The following ABLIM3 variants were observed in gnomAD, a reference collection of about 807,000 sequenced individuals.
The protein encoded by ABLIM3 is actin binding LIM protein family member 3, also known as actin-binding LIM protein 3.
A neutral mutation model predicts 109.5 loss-of-function variants in ABLIM3; 61 were observed. The ratio of observed to expected loss-of-function variants is 0.56; its 90% CI spans 0.45 to 0.69. The LOEUF (loss-of-function observed/expected upper bound fraction) is 0.69. ABLIM3 is among the 30% of genes least tolerant of loss of function. The pLI, the probability that ABLIM3 is intolerant of heterozygous loss-of-function variation, is 0.00. For synonymous variants in ABLIM3, 300 were observed against 324.8 expected (o/e 0.92, Z 0.82); for missense variants, 796 against 889.5 (o/e 0.89, Z 1.34).
intron 23 of ABLIM3, among the ~76,000 whole-genome samples, chr5:149,253,832 T>A (rs371582044): frequency 9.9e-5 from 15 of 152,172 alleles, no homozygotes; most frequent in African/African-American, 3.6e-4. Context: ...CTCCCCAGAA[T>A]GCCTGTATTA....
intron 10 of ABLIM3, among the ~76,000 whole-genome samples, chr5:149,237,028 C>T (rs935130191): frequency 2.0e-5 from 3 of 152,200 alleles, no homozygotes; most frequent in African/African-American, 7.2e-5. Flanking sequence ...GGGATGTCCT[C>T]ACTCTGTGGG....
intron 10 of ABLIM3, among the ~76,000 whole-genome samples, chr5:149,234,475 C>G (rs778068415): frequency 5.3e-5 from 8 of 152,200 alleles, no homozygotes; most frequent in Non-Finnish European, 7.3e-5. Flanking sequence ...ATCATTACTT[C>G]AAATCCACAT....
At chr5:149,210,632 G>A (rs1759448413) in intron 6 of ABLIM3, 94 bp from the exon 7 acceptor site, 4 of 1,057,972 alleles carry the variant, frequency 3.8e-6, no homozygotes, top group East Asian at 2.4e-5. Flanking sequence ...CTTTGGCTCA[G>A]TCAACATAGG....
chr5:149,244,620 C>T (rs1485806782), intron 15 of ABLIM3: 2 of 492,320 alleles, frequency 4.1e-6, no homozygotes, highest in African/African-American at 3.9e-5. Context: ...GGGATCTGGT[C>T]CAGTTCTGGT....
At chr5:149,216,754 G>A (rs1054933868) in intron 7 of ABLIM3, 3 of 568,972 alleles carry the variant, frequency 5.3e-6, no homozygotes, top group Non-Finnish European at 9.4e-6. Context: ...CCCCTGAACT[G>A]CCATCAGGGA....
chr5:149,239,254 G>A lies in ABLIM3; in HGVS notation c.1051G>A (p.Gly351Arg). Residue 351 changes from glycine (G) to arginine (R), a missense_variant, in exon 12 of 24, where the codon GGA becomes AGA. Physicochemically the swap from Gly to Arg is moderately radical, Grantham distance 125. Transcript: ENST00000309868. Reference protein sequence around the residue: ...LERCGYGESLGTLSPYSQDIY... With the variant: ...LERCGYGESLRTLSPYSQDIY... ...CAAACTCTTCACTTCTAAGTCGCTG[G>A]GAACATTATCTCCCTACTCCCAGGT... is the stretch of plus-strand genomic sequence containing the variant. 1 of 1,613,952 alleles carries A rather than the reference G, an allele frequency of 6.2e-7. No homozygotes were observed. Among genetic ancestry groups the A allele is most frequent in the Non-Finnish European group, 8.5e-7 (1 of 1,179,946 alleles).
At chr5:149,201,657 A>T (rs1231311959) in intron 5 of ABLIM3, among the ~76,000 whole-genome samples, 2 of 152,200 alleles carry the variant, frequency 1.3e-5, no homozygotes, top group Non-Finnish European at 2.9e-5. Flanking sequence ...TTGCTGCTCC[A>T]ACCAGGTTTC....
chr5:149,159,597 T>A (rs1453433428), intron 2 of ABLIM3, among the ~76,000 whole-genome samples: 3 of 152,120 alleles, frequency 2.0e-5, no homozygotes, highest in Non-Finnish European at 4.4e-5. Flanking sequence ...AGAATAGGCT[T>A]GCAAACAGAA....
chr5:149,205,697 C>A (rs931306887), intron 5 of ABLIM3, among the ~76,000 whole-genome samples: 1 of 152,192 alleles, frequency 6.6e-6, no homozygotes, highest in African/African-American at 2.4e-5. Context: ...ACTCTTTATT[C>A]TCTCAGCCCC....
At chr5:149,234,563 G>GA (rs1762167612) in intron 10 of ABLIM3, among the ~76,000 whole-genome samples, 1 of 151,776 alleles carries the variant, frequency 6.6e-6, no homozygotes. Flanking sequence ...TGGTCAAATG[G>GA]AAAAAAAGAA....
chr5:149,231,360 G>T (rs1214867144), intron 9 of ABLIM3, among the ~76,000 whole-genome samples: 1 of 152,226 alleles, frequency 6.6e-6, no homozygotes, highest in African/African-American at 2.4e-5. Flanking sequence ...CTCCCAGGCT[G>T]CAGGAAGGAT....
At chr5:149,237,661 T>C in intron 11 of ABLIM3, 58 bp downstream of exon 11, 1 of 1,598,026 alleles carries the variant, frequency 6.3e-7, no homozygotes, top group Non-Finnish European at 8.5e-7. Flanking sequence ...TGCTCTGGGG[T>C]CCCCAGCCCT....
intron 3 of ABLIM3, among the ~76,000 whole-genome samples, chr5:149,188,370 CA>C (rs1315892977): frequency 3.3e-5 from 5 of 152,052 alleles, no homozygotes; most frequent in Non-Finnish European, 7.4e-5. Context: ...TAGCAATAAA[CA>C]ATCTGAAAAT....
rs1379819156 is a variant in ABLIM3, at chr5:149,247,905, G to A, written c.1675G>A (p.Gly559Ser). Residue 559 changes from glycine (G) to serine (S), a missense_variant, in exon 18 of 24, where the codon GGC (glycine) becomes AGC (serine). By Grantham distance (56) the Gly-to-Ser change is moderately conservative (BLOSUM62 0). Coordinates refer to ENST00000309868, the MANE Select transcript of ABLIM3 (RefSeq NM_014945.5). ...CAGCCGGGAAGCCCTGCACACAGCT[G>A]GCTATGAGATGTCCCTCAATGGCTG... ...TSSREALHTA[G>S]YEMSLNGSPR... 1 of 1,614,060 alleles carries A rather than the reference G, an allele frequency of 6.2e-7. No homozygotes were observed. The highest frequency in any genetic ancestry group is 1.7e-5 in the Admixed American group (1 of 60,006).
chr5:149,247,873 C>T lies in ABLIM3; in HGVS notation c.1643C>T (p.Ser548Phe). 1 of 1,614,230 alleles carries T rather than the reference C, an allele frequency of 6.2e-7. No homozygotes were observed. Residue 548 changes from serine (S) to phenylalanine (F), a missense_variant, in exon 18 of 24, where the codon TCC (serine) becomes TTC (phenylalanine). By Grantham distance (155) the Ser-to-Phe change is radical. Transcript: ENST00000309868. ...YADPWTPPRS[S>F]TSSREALHTA... ...GATCCCTGGACCCCTCCCCGGAGCT[C>T]CACCAGCAGCCGGGAAGCCCTGCAC...
intron 3 of ABLIM3, among the ~76,000 whole-genome samples, chr5:149,188,535 G>T (rs896351860): frequency 6.6e-6 from 1 of 152,208 alleles, no homozygotes; most frequent in Non-Finnish European, 1.5e-5. Context: ...TAAAATAAAA[G>T]ACTTATTTAT....
intron 23 of ABLIM3, among the ~76,000 whole-genome samples, chr5:149,256,849 T>C (rs1226949113): frequency 6.6e-6 from 1 of 152,248 alleles, no homozygotes; most frequent in African/African-American, 2.4e-5. Flanking sequence ...TTTTTCATAA[T>C]AGACTTACTT....
At chr5:149,172,441 T>C (rs1382955515) in intron 2 of ABLIM3, among the ~76,000 whole-genome samples, 1 of 152,168 alleles carries the variant, frequency 6.6e-6, no homozygotes, top group Non-Finnish European at 1.5e-5. Context: ...ACCAAGACCT[T>C]GAGTGTGTCA....
intron 7 of ABLIM3, 109 bp from the exon 8 acceptor site, chr5:149,216,850 A>G (rs1472090573): frequency 7.2e-6 from 7 of 975,186 alleles, no homozygotes; most frequent in Admixed American, 2.0e-5. Context: ...CTTTAGGGCC[A>G]TGAAGATGCA....
Sources: gnomAD v4.1 joint callset for allele counts (sites outside exome capture counted in the v4.1 genomes callset) on GRCh38, gnomAD v4.1.1 for gene constraint, MANE v1.5 for transcripts, NCBI Gene and HGNC (gene_info 2026-07-23, HGNC 2026-07-21) for gene names.